The following ZNRF1 variants were observed in gnomAD, a reference collection of about 807,000 sequenced individuals.
ZNRF1 encodes zinc and ring finger 1.
In ZNRF1, 3 loss-of-function variants were observed where a neutral mutation model predicts 18.4. That is an observed-to-expected ratio of 0.16 (90% confidence interval 0.07 to 0.42). The LOEUF is 0.42. Ranked by LOEUF, ZNRF1 falls within the 10% of genes least tolerant of loss-of-function variation. The pLI is 0.99. For synonymous variants in ZNRF1, 157 were observed against 144.2 expected (o/e 1.09, Z -0.64); for missense variants, 310 against 329.8 (o/e 0.94, Z 0.47).
intron 1 of ZNRF1, among the ~76,000 whole-genome samples, chr16:75,020,281 A>G (rs907137044): frequency 5.9e-5 from 9 of 151,570 alleles, no homozygotes; most frequent in African/African-American, 1.2e-4. Flanking sequence ...CTTTTTCTCT[A>G]TGTCCTAATG....
intron 1 of ZNRF1, among the ~76,000 whole-genome samples, chr16:75,068,413 C>T (rs537064078): frequency 3.3e-5 from 5 of 151,978 alleles, no homozygotes; most frequent in South Asian, 2.1e-4. Flanking sequence ...TCTCAGTTTG[C>T]GGGGGGCACA....
intron 1 of ZNRF1, among the ~76,000 whole-genome samples, chr16:75,010,718 T>G (rs1337543646): frequency 6.1e-5 from 7 of 115,414 alleles, no homozygotes; most frequent in East Asian, 6.6e-4. Flanking sequence ...TTTGTTTTTT[T>G]GTTTTTTTTT....
At chr16:75,028,091 A>C (rs558724574) in intron 1 of ZNRF1, among the ~76,000 whole-genome samples, 16 of 152,206 alleles carry the variant, frequency 1.1e-4, no homozygotes, top group African/African-American at 3.6e-4. Context: ...TTTGCAAACA[A>C]AATTTCATTC....
intron 1 of ZNRF1, among the ~76,000 whole-genome samples, chr16:75,078,692 A>G (rs573174131): frequency 6.6e-6 from 1 of 152,370 alleles, no homozygotes; most frequent in South Asian, 2.1e-4. Context: ...TGTTACAATC[A>G]ATGTAAAGTT....
intron 1 of ZNRF1, among the ~76,000 whole-genome samples, chr16:75,022,808 G>C (rs1250988276): frequency 6.6e-6 from 1 of 152,092 alleles, no homozygotes; most frequent in Non-Finnish European, 1.5e-5. Context: ...AGAGAGAATC[G>C]GTAAATGTGT....
At chr16:75,029,959 A>C in intron 1 of ZNRF1, among the ~76,000 whole-genome samples, 1 of 151,606 alleles carries the variant, frequency 6.6e-6, no homozygotes, top group Non-Finnish European at 1.5e-5. Context: ...GCTACTCAAG[A>C]GGCCAAGGAG....
At chr16:75,013,635 G>T (rs184830625) in intron 1 of ZNRF1, among the ~76,000 whole-genome samples, 9 of 152,152 alleles carry the variant, frequency 5.9e-5, no homozygotes, top group Middle Eastern at 3.4e-3. Flanking sequence ...GTGAGCCACC[G>T]CGCCAGGCCT....
intron 1 of ZNRF1, among the ~76,000 whole-genome samples, chr16:75,032,218 T>A (rs2035315503): frequency 6.6e-6 from 1 of 151,112 alleles, no homozygotes; most frequent in South Asian, 2.1e-4. Context: ...CAAGCAATTG[T>A]CTCGCCTTAG....
chr16:75,100,565 G>T (rs958317515), intron 2 of ZNRF1, among the ~76,000 whole-genome samples: 3 of 152,234 alleles, frequency 2.0e-5, no homozygotes, highest in South Asian at 2.1e-4. Flanking sequence ...CACAGATGGG[G>T]AGAGAACACA....
At chr16:75,020,043 C>T (rs1333589890) in intron 1 of ZNRF1, among the ~76,000 whole-genome samples, 1 of 151,660 alleles carries the variant, frequency 6.6e-6, no homozygotes, top group Non-Finnish European at 1.5e-5. Flanking sequence ...CCAGAGAGAA[C>T]TATGTTAAAG....
At chr16:75,054,756 G>A (rs1376376117) in intron 1 of ZNRF1, among the ~76,000 whole-genome samples, 1 of 152,250 alleles carries the variant, frequency 6.6e-6, no homozygotes, top group African/African-American at 2.4e-5. Context: ...CTGGGAGATT[G>A]GCCTTACCTA....
At chr16:75,009,108 A>G (rs117721758) in intron 1 of ZNRF1, among the ~76,000 whole-genome samples, 3,247 of 152,290 alleles carry the variant, frequency 0.021, 44 homozygotes, top group Non-Finnish European at 0.032. Flanking sequence ...TTCTAGAAGC[A>G]TGATTCACCA....
At chr16:75,045,800 C>G (rs1023564670) in intron 1 of ZNRF1, among the ~76,000 whole-genome samples, 1 of 150,858 alleles carries the variant, frequency 6.6e-6, no homozygotes, top group East Asian at 1.9e-4. Flanking sequence ...ACTGCAGTCT[C>G]GAATTCCTGG....
At chr16:75,081,193 G>A (rs777551431) in intron 1 of ZNRF1, among the ~76,000 whole-genome samples, 2 of 152,024 alleles carry the variant, frequency 1.3e-5, no homozygotes, top group Non-Finnish European at 2.9e-5. Flanking sequence ...ATAAAAATAA[G>A]GACTCCAGGA....
intron 1 of ZNRF1, among the ~76,000 whole-genome samples, chr16:75,041,205 C>G (rs2035443015): frequency 6.6e-6 from 1 of 152,198 alleles, no homozygotes; most frequent in Non-Finnish European, 1.5e-5. Context: ...TTTACATTTT[C>G]ATGGGCAATG....
At chr16:75,001,317 G>T (rs1234929797) in intron 1 of ZNRF1, among the ~76,000 whole-genome samples, 1 of 152,098 alleles carries the variant, frequency 6.6e-6, no homozygotes, top group Non-Finnish European at 1.5e-5. Flanking sequence ...ATTTGGTTTG[G>T]TTTTTTGTCA....
chr16:75,101,348 G>A (rs72626190), intron 2 of ZNRF1, among the ~76,000 whole-genome samples: 1 of 152,120 alleles, frequency 6.6e-6, no homozygotes, highest in Admixed American at 6.5e-5. Context: ...GAGGTCAAGA[G>A]ATCAAGACCA....
intron 1 of ZNRF1, among the ~76,000 whole-genome samples, chr16:75,034,420 T>C (rs911829062): frequency 2.0e-5 from 3 of 152,212 alleles, no homozygotes; most frequent in African/African-American, 7.2e-5. Flanking sequence ...TTATTTCACT[T>C]AGCGTAACAT....
intron 3 of ZNRF1, 75 bp downstream of exon 3, chr16:75,104,964 T>G: frequency 7.9e-7 from 1 of 1,265,590 alleles, no homozygotes; most frequent in Non-Finnish European, 1.1e-6. Context: ...AGCCATTCTG[T>G]CTCCTTTGGT....
Sources: allele counts gnomAD v4.1 joint callset (sites outside exome capture counted in the v4.1 genomes callset), GRCh38; gene constraint gnomAD v4.1.1; transcripts MANE v1.5; gene names NCBI Gene and HGNC (gene_info 2026-07-23, HGNC 2026-07-21).